Variants in FRAS1 observed in about 807,000 individuals in gnomAD.
FRAS1 encodes the protein Fraser extracellular matrix complex subunit 1.
FRAS1 carries 290 observed loss-of-function variants against 435.2 expected under a neutral mutation model. The observed-to-expected ratio is 0.67, with a 90% CI of 0.61 to 0.73. The LOEUF (loss-of-function observed/expected upper bound fraction) is 0.73, where lower values mean the gene tolerates loss of function less well. Ranked by LOEUF, FRAS1 falls within the 30% of genes least tolerant of loss-of-function variation. The pLI, the probability that FRAS1 is intolerant of heterozygous loss-of-function variation, is 0.00. For missense variants in FRAS1, 4,860 were observed against 5,001.5 expected (o/e 0.97, Z 0.85); for synonymous variants, 1,800 against 1,851.0 (o/e 0.97, Z 0.71).
chr4:78,390,690 A>G (rs1019645050), intron 29 of FRAS1, among the ~76,000 whole-genome samples: 1 of 152,224 alleles, frequency 6.6e-6, no homozygotes, highest in African/African-American at 2.4e-5. Flanking sequence ...TCCAGGCCCA[A>G]GAAGAAAAAA....
At chr4:78,220,042 C>T (rs1477687392) in intron 2 of FRAS1, among the ~76,000 whole-genome samples, 1 of 152,140 alleles carries the variant, frequency 6.6e-6, no homozygotes, top group Admixed American at 6.5e-5. Flanking sequence ...AGTCAGAGGG[C>T]AGTAGTGATG....
chr4:78,066,908 C>T (rs920602112), intron 2 of FRAS1, among the ~76,000 whole-genome samples: 8 of 152,116 alleles, frequency 5.3e-5, no homozygotes, highest in African/African-American at 9.7e-5. Context: ...TGAATCTGCA[C>T]TTTATATACT....
At chr4:78,421,509 G>T (rs1309010636) in intron 33 of FRAS1, among the ~76,000 whole-genome samples, 2 of 152,138 alleles carry the variant, frequency 1.3e-5, no homozygotes, top group African/African-American at 4.8e-5. Context: ...TAGATTGAGG[G>T]TGGGTCTGCC....
Position 78,245,961 on chromosome 4 carries a change from G to A in FRAS1, c.309+636G>A, listed in dbSNP as rs936003613. On this transcript the variant is annotated intron_variant, in intron 4 of 73. Transcript: ENST00000512123. ...TCAACCAGAAATCTTTGCAGACATG[G>A]CCAAATTTCCCTTGGGGGCAAAATG... Among the ~76,000 whole-genome samples, 5 of 152,214 alleles carry A rather than the reference G, an allele frequency of 3.3e-5. No individual in the cohort carries two copies. In the South Asian group the frequency reaches 8.3e-4, roughly 25 times the overall value.
At chr4:78,332,825 T>C (rs974875046) in intron 18 of FRAS1, among the ~76,000 whole-genome samples, 1 of 152,212 alleles carries the variant, frequency 6.6e-6, no homozygotes, top group Admixed American at 6.5e-5. Context: ...GTCTCCATCA[T>C]AGCGTAGGCA....
chr4:78,146,616 A>T (rs1023105665), intron 2 of FRAS1, among the ~76,000 whole-genome samples: 1 of 152,164 alleles, frequency 6.6e-6, no homozygotes, highest in Non-Finnish European at 1.5e-5. Context: ...GTCTATGTCC[A>T]CTACCTTCCC....
At chr4:78,118,235 C>T (rs1293789032) in intron 2 of FRAS1, among the ~76,000 whole-genome samples, 3 of 152,178 alleles carry the variant, frequency 2.0e-5, no homozygotes, top group Non-Finnish European at 4.4e-5. Context: ...TGTCAGTCTG[C>T]CCCTACTGGG....
intron 15 of FRAS1, among the ~76,000 whole-genome samples, chr4:78,308,729 C>G (rs866220387): frequency 3.9e-5 from 6 of 152,220 alleles, no homozygotes; most frequent in Non-Finnish European, 7.3e-5. Context: ...TTCCTTGAAC[C>G]AGGCACGGTT....
At chr4:78,298,028 C>CTATA (rs1307535540) in intron 14 of FRAS1, among the ~76,000 whole-genome samples, 1,578 of 101,778 alleles carry the variant, frequency 0.016, 8 homozygotes, top group Non-Finnish European at 0.023. Context: ...CTCTCTCTCT[C>CTATA]TCTATATATA....
intron 35 of FRAS1, among the ~76,000 whole-genome samples, chr4:78,428,119 G>A (rs1412520516): frequency 6.6e-6 from 1 of 152,144 alleles, no homozygotes; most frequent in African/African-American, 2.4e-5. Context: ...AAGCATCAAG[G>A]GTGAGGCAAT....
At position 78,419,005 on chromosome 4, in the gene FRAS1, T is replaced by C; in HGVS notation, c.4482T>C (p.Ser1494=). The C allele has an allele frequency of 6.2e-7, 1 of 1,603,494 alleles. No homozygotes were observed. Among genetic ancestry groups the C allele is most frequent in the Non-Finnish European group, 8.5e-7 (1 of 1,176,410 alleles). ...CTCATTCCCTCTCCTTCATAAACTC[T>C]GAGAAGCCAAGTGGAAAGATTGTCT... ...IQPHSLSFIN[S]EKPSGKIVYN... Residue 1494 remains serine (S), a synonymous_variant, in exon 33 of 74, where the codon TCT becomes TCC. Transcript: ENST00000512123.
chr4:78,299,838 G>A (rs1045363936), intron 14 of FRAS1, among the ~76,000 whole-genome samples: 4 of 152,220 alleles, frequency 2.6e-5, no homozygotes, highest in Admixed American at 2.6e-4. Context: ...CCCCAGTGCA[G>A]TTTGCACAAT....
rs150871310 is a variant in FRAS1, at chr4:78,487,065, C to T, written c.8753-1810C>T. The stretch of plus-strand genomic sequence containing the variant: ...TATCTGCTGGGAGCGGAAAAGCTTC[C>T]CTGCTTGTATTGCTTTTTCCCTGGC... On this transcript the variant is annotated intron_variant, in intron 58 of 73. Transcript: ENST00000512123. Among the ~76,000 whole-genome samples the T allele has an allele frequency of 8.5e-4, 130 of 152,186 alleles. 1 individual carries two copies. The Middle Eastern group carries it at 0.024, about 28-fold the overall frequency.
In FRAS1 at chr4:78,290,175, A is replaced by C. The variant is rs541298527; in HGVS notation, c.1534+3636A>C. On this transcript the variant is annotated intron_variant, in intron 14 of 73. Transcript: ENST00000512123. The stretch of plus-strand genomic sequence containing the variant: ...TGTTAAAATGAGTAATTTTAACGTA[A>C]GGTTAAAATTATAAGGTTACAACTC... Among the ~76,000 whole-genome samples, 4 of 152,322 alleles carry C rather than the reference A, an allele frequency of 2.6e-5. No individual in the cohort carries two copies. The South Asian group carries it at 8.3e-4, about 32-fold the overall frequency.
intron 2 of FRAS1, among the ~76,000 whole-genome samples, chr4:78,234,227 T>C (rs1724638658): frequency 6.6e-6 from 1 of 152,028 alleles, no homozygotes; most frequent in Non-Finnish European, 1.5e-5. Flanking sequence ...ATTTTATTTA[T>C]TTTTATTTAT....
rs1726404767 is a variant in FRAS1, at chr4:78,267,234, G to A, written c.790-7G>A. On this transcript the variant is annotated splice_region_variant and splice_polypyrimidine_tract_variant and intron_variant, in intron 8 of 73. Coordinates refer to ENST00000512123, the MANE Select transcript of FRAS1 (RefSeq NM_025074.7). ...GACTGCCCCTCACCTTCCTCTCTGT[G>A]TCCTAGGGTCAGAGCAGGGCTCGGC... 1 of 1,612,832 alleles carries A rather than the reference G, an allele frequency of 6.2e-7. No homozygotes were observed. The highest frequency in any genetic ancestry group is 1.3e-5 in the African/African-American group (1 of 74,874).
intron 2 of FRAS1, among the ~76,000 whole-genome samples, chr4:78,183,571 C>T (rs1216102642): frequency 6.6e-6 from 1 of 152,174 alleles, no homozygotes; most frequent in Non-Finnish European, 1.5e-5. Context: ...CCTTGCCTTA[C>T]TTTCCTGTCA....
At chr4:78,460,621 G>A (rs1430964018) in intron 47 of FRAS1, among the ~76,000 whole-genome samples, 1 of 152,212 alleles carries the variant, frequency 6.6e-6, no homozygotes, top group Non-Finnish European at 1.5e-5. Context: ...GAACATCACA[G>A]AGTGTGCTTA....
intron 15 of FRAS1, among the ~76,000 whole-genome samples, chr4:78,312,651 A>G (rs1578245812): frequency 6.6e-6 from 1 of 151,564 alleles, no homozygotes; most frequent in African/African-American, 2.4e-5. Context: ...ATATAGTGAG[A>G]CCTCATCTCT....
Sources: gnomAD v4.1 joint callset for allele counts (sites outside exome capture counted in the v4.1 genomes callset) on GRCh38, gnomAD v4.1.1 for gene constraint, MANE v1.5 for transcripts, NCBI Gene and HGNC (gene_info 2026-07-23, HGNC 2026-07-21) for gene names.